The following NDC1 variants were observed in gnomAD, a reference collection of about 807,000 sequenced individuals.
NDC1 encodes nucleoporin NDC1.
A neutral mutation model predicts 89.8 loss-of-function variants in NDC1; 24 were observed. That is an observed-to-expected ratio of 0.27 (90% CI 0.19 to 0.38). The LOEUF (loss-of-function observed/expected upper bound fraction) is 0.38. NDC1 is among the 10% of genes least tolerant of loss of function. The probability of loss-of-function intolerance (pLI) is 1.00; values close to 1 mark genes in which losing one functional copy is unlikely to be tolerated. For synonymous variants in NDC1, 296 were observed against 284.8 expected, an observed-to-expected ratio of 1.04 and a Z score of -0.39; for missense variants, 728 against 797.6, an observed-to-expected ratio of 0.91 and a Z score of 1.05.
At chr1:53,779,288 A>G (rs897579124) in intron 16 of NDC1, among the ~76,000 whole-genome samples, 1 of 152,072 alleles carries the variant, frequency 6.6e-6, no homozygotes, top group African/African-American at 2.4e-5. Flanking sequence ...AGCTACCATT[A>G]TCATCACTCC....
intron 6 of NDC1, among the ~76,000 whole-genome samples, chr1:53,811,011 A>T (rs976018710): frequency 3.0e-4 from 46 of 152,322 alleles, no homozygotes; most frequent in African/African-American, 1.1e-3. Flanking sequence ...CCCCCACTGG[A>T]GAAGGTGAAG....
intron 16 of NDC1, among the ~76,000 whole-genome samples, chr1:53,776,828 G>A (rs1480040206): frequency 1.3e-5 from 2 of 152,022 alleles, no homozygotes; most frequent in African/African-American, 4.8e-5. Flanking sequence ...AATACTACAT[G>A]ATTTTATCAT....
chr1:53,797,527 A>C (rs1337781966), intron 11 of NDC1, among the ~76,000 whole-genome samples: 1 of 152,262 alleles, frequency 6.6e-6, no homozygotes, highest in East Asian at 1.9e-4. Context: ...TATTTTAAGT[A>C]TTACTTGACT....
rs770356909 is a variant in NDC1 at position 53,807,677 on chromosome 1, G to A, written c.870C>T (p.Leu290=). The change falls in exon 8 of 18, where the codon CTC becomes CTT. Residue 290 remains leucine, a synonymous_variant. Coordinates refer to ENST00000371429, the MANE Select transcript of NDC1 (RefSeq NM_018087.5). ...LLTTWYVSWI[L]FKIYATEAHV... ...ATACCTCTGTGGCATAGATTTTGAA[G>A]AGTATCCATGAGACATACCAAGTCG... 1.9e-6 allele frequency: 3 copies of A among 1,608,372 alleles called. No homozygotes were observed. The highest frequency in any genetic ancestry group is 3.4e-5 in the Admixed American group (2 of 58,456).
intron 7 of NDC1, 44 bp downstream of exon 7, chr1:53,809,648 AAAG>A: frequency 7.3e-7 from 1 of 1,363,764 alleles, no homozygotes; most frequent in Non-Finnish European, 1.0e-6. Flanking sequence ...CAAACATCTA[AAAG>A]AATGGAAACA....
At chr1:53,784,583 GAGATCA>G (rs1647260467) in intron 16 of NDC1, among the ~76,000 whole-genome samples, 1 of 152,224 alleles carries the variant, frequency 6.6e-6, no homozygotes, top group South Asian at 2.1e-4. Context: ...ACGAGGTCAG[GAGATCA>G]AGATCGTCCT....
At chr1:53,818,369 AG>A (rs1266421922) in intron 6 of NDC1, among the ~76,000 whole-genome samples, 1 of 151,848 alleles carries the variant, frequency 6.6e-6, no homozygotes, top group African/African-American at 2.4e-5. Context: ...TGAACCCAAG[AG>A]GCGGAGGTTG....
chr1:53,785,391 G>A lies in NDC1; in HGVS notation c.1800+1767C>T, dbSNP rs192345371. Among the ~76,000 whole-genome samples, 37 of 152,176 alleles carry A rather than the reference G, an allele frequency of 2.4e-4. No individual in the cohort carries two copies. In the East Asian group the frequency reaches 6.8e-3, roughly 28 times the overall value. ...CTATTTATTTACAGAATGGCACTTG[G>A]GAAAGAGTACAAATAATAAAACTAT... is the stretch of plus-strand genomic sequence containing the variant. On this transcript the variant is annotated intron_variant, in intron 16 of 17. Transcript: ENST00000371429.
chr1:53,819,302 A>G (rs1648581335), intron 5 of NDC1, among the ~76,000 whole-genome samples: 1 of 152,234 alleles, frequency 6.6e-6, no homozygotes, highest in South Asian at 2.1e-4. Context: ...CAGAAATAAG[A>G]AAATTAACCA....
chr1:53,809,468 C>T (rs1358945662), intron 7 of NDC1, among the ~76,000 whole-genome samples: 1 of 152,164 alleles, frequency 6.6e-6, no homozygotes, highest in African/African-American at 2.4e-5. Flanking sequence ...CCTCCTGCCT[C>T]AACCTCCCAA....
chr1:53,832,172 C>T (rs202025836), intron 3 of NDC1, among the ~76,000 whole-genome samples: 1 of 152,118 alleles, frequency 6.6e-6, no homozygotes, highest in African/African-American at 2.4e-5. Context: ...CAACTCTACC[C>T]ATTAAACAGC....
intron 16 of NDC1, among the ~76,000 whole-genome samples, chr1:53,783,399 T>C (rs1647235572): frequency 6.6e-6 from 1 of 152,142 alleles, no homozygotes; most frequent in African/African-American, 2.4e-5. Context: ...AAGCCTTATA[T>C]AAGGAGGAGT....
intron 7 of NDC1, among the ~76,000 whole-genome samples, 194 bp downstream of exon 7, chr1:53,809,501 A>C (rs1399075664): frequency 2.0e-5 from 3 of 152,150 alleles, no homozygotes; most frequent in Admixed American, 2.0e-4. Flanking sequence ...ACAGGCAAGT[A>C]CCACCAAGTC....
At chr1:53,785,293 G>A (rs1269118301) in intron 16 of NDC1, among the ~76,000 whole-genome samples, 1 of 152,198 alleles carries the variant, frequency 6.6e-6, no homozygotes, top group Non-Finnish European at 1.5e-5. Flanking sequence ...TCAAAGATAT[G>A]CCCAAATCAT....
intron 15 of NDC1, among the ~76,000 whole-genome samples, chr1:53,787,602 G>C (rs1207478680): frequency 6.6e-6 from 1 of 151,460 alleles, no homozygotes; most frequent in East Asian, 1.9e-4. Context: ...TCACACCACT[G>C]CACTCCAGCC....
chr1:53,831,899 T>C (rs961475676), intron 3 of NDC1, among the ~76,000 whole-genome samples: 2 of 151,966 alleles, frequency 1.3e-5, no homozygotes, highest in Non-Finnish European at 2.9e-5. Flanking sequence ...TTAATCACAG[T>C]ATTATAGATT....
intron 6 of NDC1, among the ~76,000 whole-genome samples, chr1:53,818,332 T>C (rs565935174): frequency 6.6e-6 from 1 of 151,998 alleles, no homozygotes; most frequent in South Asian, 2.1e-4. Flanking sequence ...TCCCAGCTAC[T>C]TGGGAAGCTG....
intron 2 of NDC1, among the ~76,000 whole-genome samples, chr1:53,834,585 C>G (rs566090129): frequency 1.3e-5 from 2 of 152,304 alleles, no homozygotes; most frequent in African/African-American, 4.8e-5. Context: ...AATCCTAAAT[C>G]AGTTACTCAC....
Position 53,765,597 on chromosome 1 carries a change from A to T in NDC1, c.*2373T>A, listed in dbSNP as rs1205027187. 1 of 152,194 alleles carries T rather than the reference A, an allele frequency of 6.6e-6. No individual in the cohort carries two copies. Among genetic ancestry groups the T allele is most frequent in the African/African-American group, 2.4e-5 (1 of 41,448 alleles). The allele number at this position is 152,194 out of a possible 1,614,324, so 9.4% of individuals were successfully genotyped here. The stretch of plus-strand genomic sequence containing the variant: ...CACACCAAACAATTACCAAGGAACA[A>T]ATCCTGCAAAGTAACAAATTGTTGC... On this transcript the variant is annotated 3_prime_UTR_variant, in exon 18 of 18. Coordinates refer to ENST00000371429, the MANE Select transcript of NDC1 (RefSeq NM_018087.5).
Sources: allele counts gnomAD v4.1 joint callset (sites outside exome capture counted in the v4.1 genomes callset), GRCh38; gene constraint gnomAD v4.1.1; transcripts MANE v1.5; gene names NCBI Gene and HGNC (gene_info 2026-07-23, HGNC 2026-07-21).